SCN9A: variants seen among roughly 807,000 people sequenced by gnomAD.
SCN9A encodes sodium voltage-gated channel alpha subunit 9.
Under a neutral mutation model 187.0 loss-of-function variants are expected in SCN9A, and 131 were observed. The observed-to-expected ratio is 0.70, with a 90% CI of 0.61 to 0.81. The LOEUF is 0.81. Ranked by LOEUF, SCN9A falls within the 30% of genes least tolerant of loss-of-function variation. SCN9A has a pLI of 0.00. For synonymous variants in SCN9A, 809 were observed against 808.6 expected (o/e 1.00, Z -0.01); for missense variants, 2,252 against 2,396.6 (o/e 0.94, Z 1.26).
chr2:166,198,168 A>AGTCAAG lies in SCN9A; in HGVS notation c.*498_*503dup, dbSNP rs1398917102. ...GAATAACCTCTGTACATTGATAAAA[A>AGTCAAG]GTCAAGCTCCCTAATAATGCATTTT... On this transcript the variant is annotated 3_prime_UTR_variant, in exon 27 of 27. Transcript: ENST00000642356. 6.5e-6 allele frequency: 1 copy of AGTCAAG among 154,586 alleles called. No individual in the cohort carries two copies. Among genetic ancestry groups the AGTCAAG allele is most frequent in the Non-Finnish European group, 1.4e-5 (1 of 69,524 alleles). 9.6% of individuals were successfully genotyped at this position (154,586 alleles called of 1,614,324 possible). A position where few individuals can be genotyped will look rare whatever the true frequency, so the allele number is the denominator to read the frequency against.
rs1308385213 is a variant in SCN9A, at chr2:166,278,285, A to G, written c.2372T>C (p.Met791Thr). Residue 791 changes from methionine (M) to threonine (T), a missense_variant, in exon 15 of 27, where the codon ATG becomes ACG. Physicochemically the swap from Met to Thr is moderately conservative, Grantham distance 81. This residue lies in a region of SCN9A where 1,013 missense variants were observed against 997.4 expected (regional missense o/e 1.02). Coordinates refer to ENST00000642356, the MANE Select transcript of SCN9A (RefSeq NM_001365536.1). Reference sequence around the variant, plus strand: ...ATCCATGGCAATCAGTTTTAATACCATTTCAGCTGCAAAGATTCCAGTAAA... The same window carrying G: ...ATCCATGGCAATCAGTTTTAATACCGTTTCAGCTGCAAAGATTCCAGTAAA... ...LVFTGIFAAE[M>T]VLKLIAMDPY... 7 of 1,606,668 alleles carry G rather than the reference A, an allele frequency of 4.4e-6. No individual in the cohort carries two copies. The highest frequency in any genetic ancestry group is 1.1e-5 in the South Asian group (1 of 89,188).
intron 17 of SCN9A, among the ~76,000 whole-genome samples, chr2:166,270,937 A>G (rs1696953332): frequency 6.6e-6 from 1 of 152,074 alleles, no homozygotes; most frequent in African/African-American, 2.4e-5. Context: ...TTATTTTTAA[A>G]TGATGCCTTA....
chr2:166,238,202 C>A lies in SCN9A; in HGVS notation c.3693G>T (p.Lys1231Asn). The A allele has an allele frequency of 6.2e-7, 1 of 1,606,162 alleles. No homozygotes were observed. Among genetic ancestry groups the A allele is most frequent in the South Asian group, 1.1e-5 (1 of 90,096 alleles). Residue 1231 changes from lysine (K) to asparagine (N), a missense_variant, in exon 20 of 27, where the codon AAG becomes AAT. Lys to Asn is a moderately conservative substitution (Grantham distance 94). This residue lies in a region of SCN9A where 313 missense variants were observed against 295.3 expected (regional missense o/e 1.06). Transcript: ENST00000642356. ...TIKIILEYAD[K>N]IFTYIFILEM... is the part of the protein sequence containing the mutation. ...CCAGAATGAAGATGTAAGTGAAGATCTTGTCTGCATACTCCAGGATAATCT... is the reference window on the plus strand; with the variant it reads ...CCAGAATGAAGATGTAAGTGAAGATATTGTCTGCATACTCCAGGATAATCT...
intron 7 of SCN9A, chr2:166,302,704 T>A (rs189586446): frequency 1.4e-4 from 21 of 149,082 alleles, no homozygotes; most frequent in African/African-American, 4.9e-4. Context: ...AATAAATATG[T>A]CACATTATAT....
chr2:166,219,884 T>C (rs536481985), intron 24 of SCN9A, among the ~76,000 whole-genome samples: 4 of 152,324 alleles, frequency 2.6e-5, no homozygotes, highest in African/African-American at 9.6e-5. Flanking sequence ...ATTTCTACAA[T>C]GTTTATGTAG....
intron 7 of SCN9A, among the ~76,000 whole-genome samples, chr2:166,297,811 C>T (rs73023673): frequency 0.025 from 3,756 of 151,890 alleles, 143 homozygotes; most frequent in African/African-American, 0.083. Context: ...TGCAGCATAA[C>T]GGCAAAGGTT....
At chr2:166,353,675 G>A (rs571755014) in intron 1 of SCN9A, among the ~76,000 whole-genome samples, 2 of 151,566 alleles carry the variant, frequency 1.3e-5, no homozygotes, top group African/African-American at 4.9e-5. Flanking sequence ...ATCTGACTTC[G>A]CCTCCTTCCT....
rs547836679 is a variant in SCN9A, at chr2:166,341,735, C to T, written c.-50-29929G>A. Among the ~76,000 whole-genome samples, 4 of 152,236 alleles carry T rather than the reference C, an allele frequency of 2.6e-5. No homozygotes were observed. In the South Asian group the frequency reaches 8.3e-4, roughly 32 times the overall value. On this transcript the variant is annotated intron_variant, in intron 1 of 26. Transcript: ENST00000642356. ...ATTAGTTGCTATTATATTACTTTTG[C>T]TATGACACAGTACAGAAGAAAGGAA...
At position 166,228,972 on chromosome 2, in the gene SCN9A, C is replaced by T. The variant is rs121908912; in HGVS notation, c.3925G>A (p.Val1309Ile). Residue 1309 changes from valine (V) to isoleucine (I), a missense_variant and splice_region_variant, in exon 22 of 27, where the codon GTC becomes ATC. By Grantham distance (29) the Val-to-Ile change is conservative. Transcript: ENST00000642356. ...RALSRFEGMR[V>I]VVNALIGAIP... is the part of the protein sequence containing the mutation. ...GCTCCTATGAGTGCATTCACAACGA[C>T]CTAGTATTCAAAAGAAAGAAAAGCA... 3.7e-6 allele frequency: 6 copies of T among 1,605,836 alleles called. No homozygotes were observed. Among genetic ancestry groups the T allele is most frequent in the Non-Finnish European group, 5.1e-6 (6 of 1,174,064 alleles).
intron 24 of SCN9A, among the ~76,000 whole-genome samples, chr2:166,219,407 A>G (rs1311740449): frequency 6.6e-6 from 1 of 152,144 alleles, no homozygotes; most frequent in Admixed American, 6.6e-5. Context: ...AAACGAGATC[A>G]TATCCTTTGC....
chr2:166,302,032 C>T (rs1698575756), intron 7 of SCN9A: 1 of 150,960 alleles, frequency 6.6e-6, no homozygotes, highest in African/African-American at 2.5e-5. Flanking sequence ...AGAAAGGACA[C>T]ATTTGGTAAA....
intron 18 of SCN9A, among the ~76,000 whole-genome samples, chr2:166,244,698 G>A (rs1279751726): frequency 1.3e-5 from 2 of 151,952 alleles, no homozygotes; most frequent in African/African-American, 4.8e-5. Context: ...CTTTCTGGAT[G>A]CTGGTCTATT....
chr2:166,335,610 C>G lies in SCN9A; in HGVS notation c.-50-23804G>C, dbSNP rs115495114. The stretch of plus-strand genomic sequence containing the variant: ...GGGCAGGCACTGACAGGGTGATGTT[C>G]GGGACTGGGAGTTTATCATTAGCAG... On this transcript the variant is annotated intron_variant, in intron 1 of 26. Coordinates refer to ENST00000642356, the MANE Select transcript of SCN9A (RefSeq NM_001365536.1). Among the ~76,000 whole-genome samples, 252 of 152,160 alleles carry G rather than the reference C, an allele frequency of 1.7e-3. 1 individual carries two copies. Among genetic ancestry groups the G allele is most frequent in the Non-Finnish European group, 2.7e-3 (182 of 68,000 alleles).
intron 1 of SCN9A, among the ~76,000 whole-genome samples, chr2:166,352,107 G>A (rs569152152): frequency 6.6e-6 from 1 of 152,050 alleles, no homozygotes; most frequent in Non-Finnish European, 1.5e-5. Flanking sequence ...CCCGTAAAAT[G>A]GGGAGAAAAA....
At chr2:166,311,230 T>C (rs1698932302) in intron 2 of SCN9A, among the ~76,000 whole-genome samples, 1 of 133,796 alleles carries the variant, frequency 7.5e-6, no homozygotes, top group Non-Finnish European at 1.6e-5. Flanking sequence ...ACATGTACCC[T>C]AAAACTTAAA....
At chr2:166,344,293 A>C (rs1699852032) in intron 1 of SCN9A, among the ~76,000 whole-genome samples, 2 of 152,194 alleles carry the variant, frequency 1.3e-5, no homozygotes, top group Admixed American at 6.5e-5. Context: ...AAAATATGAC[A>C]TTAATAATAA....
intron 24 of SCN9A, among the ~76,000 whole-genome samples, chr2:166,210,349 T>C (rs1055371990): frequency 6.6e-6 from 1 of 151,998 alleles, no homozygotes; most frequent in Non-Finnish European, 1.5e-5. Flanking sequence ...TTAGGAGATA[T>C]ACCTAATGTT....
At chr2:166,366,224 G>T (rs542498214) in intron 1 of SCN9A, among the ~76,000 whole-genome samples, 1 of 152,190 alleles carries the variant, frequency 6.6e-6, no homozygotes, top group East Asian at 1.9e-4. Context: ...CTTTAACTTT[G>T]TTTTTTCTTA....
At chr2:166,220,750 C>A (rs1694549198) in intron 24 of SCN9A, among the ~76,000 whole-genome samples, 1 of 152,102 alleles carries the variant, frequency 6.6e-6, no homozygotes, top group Admixed American at 6.5e-5. Flanking sequence ...CCTGTAAGAT[C>A]AGGAATAAGA....
Sources: gnomAD v4.1 joint callset for allele counts (sites outside exome capture counted in the v4.1 genomes callset) on GRCh38, gnomAD v4.1.1 for gene constraint, gnomAD v4.1.1 regional missense constraint, MANE v1.5 for transcripts, NCBI Gene and HGNC (gene_info 2026-07-23, HGNC 2026-07-21) for gene names.